The following DAB1 variants were observed in gnomAD, a reference collection of about 807,000 sequenced individuals.
DAB1 encodes the protein disabled homolog 1.
Under a neutral mutation model 64.6 loss-of-function variants are expected in DAB1, and 15 were observed. That is an observed-to-expected ratio of 0.23 (90% CI 0.16 to 0.36). DAB1 has a LOEUF of 0.36. Among genes scored for constraint, DAB1 ranks in the 10% least tolerant of loss-of-function variants. The pLI, the probability that DAB1 is intolerant of heterozygous loss-of-function variation, is 1.00. For synonymous variants in DAB1, 235 were observed against 251.9 expected (o/e 0.93, Z 0.64); for missense variants, 596 against 706.7 (o/e 0.84, Z 1.78).
At chr1:57,766,933 T>C (rs1197100242) in intron 6 of DAB1, among the ~76,000 whole-genome samples, 1 of 151,394 alleles carries the variant, frequency 6.6e-6, no homozygotes, top group Non-Finnish European at 1.5e-5. Flanking sequence ...TACCAGGTTA[T>C]TATAAATGAT....
rs1457047036 is a variant in DAB1, at chr1:57,236,318, A to G, written c.67+54646T>C. Among the ~76,000 whole-genome samples the G allele has an allele frequency of 2.0e-5, 3 of 152,202 alleles. No homozygotes were observed. The East Asian group carries it at 5.8e-4, about 29-fold the overall frequency. On this transcript the variant is annotated intron_variant, in intron 2 of 14. Transcript: ENST00000371236. ...ACCCACAAACTTGGGCAAGACCACA[A>G]GCTCACAGTTGAGTAGGGGAAGAAA...
intron 6 of DAB1, among the ~76,000 whole-genome samples, chr1:57,740,858 A>T (rs1647956537): frequency 6.6e-6 from 1 of 152,198 alleles, no homozygotes; most frequent in Non-Finnish European, 1.5e-5. Flanking sequence ...GTCAGTATAG[A>T]CAAAGTACAG....
At chr1:58,013,640 C>T (rs1646700177) in intron 5 of DAB1, among the ~76,000 whole-genome samples, 2 of 152,164 alleles carry the variant, frequency 1.3e-5, no homozygotes, top group African/African-American at 4.8e-5. Context: ...AGGGTTGTTT[C>T]CCCCTCAGAG....
intron 4 of DAB1, among the ~76,000 whole-genome samples, chr1:57,080,168 T>G (rs754811602): frequency 1.2e-4 from 19 of 152,192 alleles, no homozygotes; most frequent in Non-Finnish European, 2.4e-4. Flanking sequence ...CTGCCATTTA[T>G]CTCCAGAAAA....
chr1:57,546,780 C>T lies in DAB1; in HGVS notation n.625+102812G>A, dbSNP rs188602821. Reference sequence around the variant, plus strand: ...ACAACTACAGTCTATAATGTTTACACAATGATGAAATCACCTAAGAACCCA... The same window carrying T: ...ACAACTACAGTCTATAATGTTTACATAATGATGAAATCACCTAAGAACCCA... On this transcript the variant is annotated intron_variant and non_coding_transcript_variant, in intron 7 of 20. Transcript: ENST00000485760. Among the ~76,000 whole-genome samples the T allele has an allele frequency of 1.6e-3, 245 of 152,202 alleles. 1 individual carries two copies. Among genetic ancestry groups the T allele is most frequent in the Admixed American group, 6.7e-3 (103 of 15,296 alleles).
chr1:58,100,676 C>T (rs1651262402), intron 5 of DAB1, among the ~76,000 whole-genome samples: 1 of 152,176 alleles, frequency 6.6e-6, no homozygotes, highest in African/African-American at 2.4e-5. Flanking sequence ...AAGCACATAT[C>T]ATACTACATG....
intron 6 of DAB1, among the ~76,000 whole-genome samples, chr1:57,808,990 GA>G (rs1332723468): frequency 6.6e-6 from 1 of 152,164 alleles, no homozygotes; most frequent in Non-Finnish European, 1.5e-5. Context: ...CTGCTTCACA[GA>G]CTTTGGGGGC....
chr1:58,325,757 T>C (rs1056599759), intron 4 of DAB1, among the ~76,000 whole-genome samples: 7 of 152,236 alleles, frequency 4.6e-5, no homozygotes, highest in African/African-American at 1.4e-4. Flanking sequence ...GCTGTGATTC[T>C]TTTGAGACCT....
chr1:57,471,899 T>C (rs559963754), intron 7 of DAB1, among the ~76,000 whole-genome samples: 8 of 152,284 alleles, frequency 5.3e-5, no homozygotes, highest in African/African-American at 1.9e-4. Flanking sequence ...ATGTGGATGT[T>C]TGTCAAGGTT....
At chr1:57,120,959 T>C (rs1570729938) in intron 4 of DAB1, among the ~76,000 whole-genome samples, 1 of 151,826 alleles carries the variant, frequency 6.6e-6, no homozygotes, top group Non-Finnish European at 1.5e-5. Flanking sequence ...CTAACCTAGG[T>C]TTGTCAATCA....
chr1:57,991,147 A>G (rs1182780087), intron 5 of DAB1, among the ~76,000 whole-genome samples: 1 of 152,200 alleles, frequency 6.6e-6, no homozygotes, highest in African/African-American at 2.4e-5. Context: ...AAACAGAATA[A>G]TAATGTGTGG....
chr1:58,180,719 T>C (rs983469939), intron 4 of DAB1, among the ~76,000 whole-genome samples: 2 of 152,218 alleles, frequency 1.3e-5, no homozygotes, highest in Non-Finnish European at 2.9e-5. Context: ...TCCTCTGTGA[T>C]TTATTAACTC....
At chr1:57,318,150 C>G (rs1570262606) in intron 1 of DAB1, among the ~76,000 whole-genome samples, 1 of 62,038 alleles carries the variant, frequency 1.6e-5, no homozygotes, top group Non-Finnish European at 2.8e-5. Flanking sequence ...TTCCCAGCTG[C>G]AACTCAAAAA....
In DAB1 at chr1:57,950,584, A is replaced by C. The variant is rs185012132; in HGVS notation, n.388-66422T>G. Among the ~76,000 whole-genome samples, 351 of 152,198 alleles carry C rather than the reference A, an allele frequency of 2.3e-3. 1 individual carries two copies. The highest frequency in any genetic ancestry group is 0.014 in the Middle Eastern group (4 of 294). ...CAAATAGAGTCTTGAAATTGACATGATAAATTCATACTGCAAAGTTCTGGA... is the reference window on the plus strand; with the variant it reads ...CAAATAGAGTCTTGAAATTGACATGCTAAATTCATACTGCAAAGTTCTGGA... On this transcript the variant is annotated intron_variant and non_coding_transcript_variant, in intron 5 of 20. Transcript: ENST00000485760.
intron 3 of DAB1, among the ~76,000 whole-genome samples, chr1:58,484,123 A>C (rs1194726006): frequency 6.6e-6 from 1 of 152,210 alleles, no homozygotes; most frequent in Non-Finnish European, 1.5e-5. Context: ...TTAGAACACC[A>C]CAGTGAGTAA....
chr1:57,908,978 A>T (rs1644600383), intron 5 of DAB1, among the ~76,000 whole-genome samples: 1 of 152,126 alleles, frequency 6.6e-6, no homozygotes, highest in African/African-American at 2.4e-5. Context: ...CCTTTAAAAA[A>T]AAATGCCTAT....
rs189764031 is a variant in DAB1, at chr1:58,189,482, C to A, written n.310-38894G>T. 2.4e-3 allele frequency among the ~76,000 whole-genome samples: 359 copies of A among 152,156 alleles called. 1 individual carries two copies. The highest frequency in any genetic ancestry group is 8.1e-3 in the African/African-American group (336 of 41,498). ...TCTCAAAGTACATTCCCTAGACCACCCTCATTTCTATCATTTAGGGTTTAA... is the reference window on the plus strand; with the variant it reads ...TCTCAAAGTACATTCCCTAGACCACACTCATTTCTATCATTTAGGGTTTAA... On this transcript the variant is annotated intron_variant and non_coding_transcript_variant, in intron 4 of 20. Coordinates refer to the DAB1 transcript ENST00000485760.
At chr1:58,517,926 C>T (rs1403374869) in intron 2 of DAB1, among the ~76,000 whole-genome samples, 1 of 151,726 alleles carries the variant, frequency 6.6e-6, no homozygotes, top group Non-Finnish European at 1.5e-5. Flanking sequence ...GTGGCTCACA[C>T]CTGTAATCCC....
chr1:57,367,364 T>C (rs1680143911), intron 1 of DAB1, among the ~76,000 whole-genome samples: 1 of 152,060 alleles, frequency 6.6e-6, no homozygotes, highest in South Asian at 2.1e-4. Context: ...CAGAGCTAGG[T>C]GCCTTTTTTG....
Sources: gnomAD v4.1 joint callset for allele counts (sites outside exome capture counted in the v4.1 genomes callset) on GRCh38, gnomAD v4.1.1 for gene constraint, MANE v1.5 for transcripts, NCBI Gene and HGNC (gene_info 2026-07-23, HGNC 2026-07-21) for gene names.